ELOA: variants seen among roughly 807,000 people sequenced by gnomAD.
ELOA encodes elongin-A.
Under a neutral mutation model 85.2 loss-of-function variants are expected in ELOA, and 15 were observed. That is an observed-to-expected ratio of 0.18 (90% CI 0.12 to 0.27). The LOEUF (loss-of-function observed/expected upper bound fraction) is 0.27, where lower values mean the gene tolerates loss of function less well. Among genes scored for constraint, ELOA ranks in the 10% least tolerant of loss-of-function variants. The probability of loss-of-function intolerance (pLI) is 1.00; values close to 1 mark genes in which losing one functional copy is unlikely to be tolerated. For missense variants in ELOA, 769 were observed against 952.7 expected, an observed-to-expected ratio of 0.81 and a Z score of 2.54; for synonymous variants, 348 against 357.2, an observed-to-expected ratio of 0.97 and a Z score of 0.29.
In ELOA at chr1:23,760,926, G is replaced by A. The variant is rs933925321; in HGVS notation, c.*1353G>A. ...CCACTTGGTTGTGACCCAGGTAGAG[G>A]TAGATGCCATACATTTGAGATATGC... is the stretch of plus-strand genomic sequence containing the variant. On this transcript the variant is annotated 3_prime_UTR_variant, in exon 11 of 11. Coordinates refer to ENST00000613537, the MANE Select transcript of ELOA (RefSeq NM_003198.3). The A allele has an allele frequency of 2.6e-5, 4 of 152,154 alleles. No individual in the cohort carries two copies. Among genetic ancestry groups the A allele is most frequent in the Admixed American group, 2.0e-4 (3 of 15,268 alleles). The allele number at this position is 152,154 out of a possible 1,614,324, so 9.4% of individuals were successfully genotyped here.
chr1:23,750,170 C>CT (rs747972246), intron 3 of ELOA, among the ~76,000 whole-genome samples: 2,629 of 90,370 alleles, frequency 0.029, 286 homozygotes, highest in African/African-American at 0.056. Flanking sequence ...TGGTACGTTT[C>CT]TTTTTTTTTT....
At chr1:23,747,344 T>A (rs549011768) in intron 1 of ELOA, among the ~76,000 whole-genome samples, 1 of 152,360 alleles carries the variant, frequency 6.6e-6, no homozygotes, top group East Asian at 1.9e-4. Flanking sequence ...CACATTTGAC[T>A]TTCCAGCTTG....
At chr1:23,749,182 A>C in intron 2 of ELOA, 105 bp downstream of exon 2, 2 of 978,642 alleles carry the variant, frequency 2.0e-6, no homozygotes, top group Non-Finnish European at 3.1e-6. Context: ...AAGTGAAAGA[A>C]ACCAGACACA....
chr1:23,750,071 C>A, intron 3 of ELOA, 123 bp downstream of exon 3: 1 of 706,808 alleles, frequency 1.4e-6, no homozygotes, highest in Non-Finnish European at 2.2e-6. Context: ...AAAAATAATC[C>A]ATGATCATTG....
In ELOA at chr1:23,751,178, C is replaced by A. The variant is rs369038337; in HGVS notation, c.573C>A (p.Val191=). The part of the protein sequence containing the change: ...PSCTSPHQMY[V]DHYRSLEEDQ... ...GTACCAGTCCTCATCAGATGTACGT[C>A]GACCACTACAGATCCCTGGAGGAGG... The change falls in exon 4 of 11, where the codon GTC becomes GTA. Residue 191 remains valine, a synonymous_variant. Transcript: ENST00000613537. 8.7e-6 allele frequency: 14 copies of A among 1,614,154 alleles called. No individual in the cohort carries two copies. The highest frequency in any genetic ancestry group is 7.6e-6 in the Non-Finnish European group (9 of 1,180,032).
rs1644786184 is a variant in ELOA at position 23,754,502 on chromosome 1, T to G, written c.1791+42T>G. ...GGTGGGAAGAGGGCAGTTTTCTGGC[T>G]TGTACCTCCAGAAATAGCTTTGTCC... On this transcript the variant is annotated intron_variant, in intron 7 of 10. Transcript: ENST00000613537. 9 of 1,490,682 alleles carry G rather than the reference T, an allele frequency of 6.0e-6. No homozygotes were observed. In the East Asian group the frequency reaches 2.0e-4, roughly 34 times the overall value. The allele number at this position is 1,490,682 out of a possible 1,614,324, so 92.3% of individuals were successfully genotyped here. A position where few individuals can be genotyped will look rare whatever the true frequency, so the allele number is the denominator to read the frequency against.
rs1638276215 is a variant in ELOA, at chr1:23,760,348, T to C, written c.*775T>C. ...AGGCTCACTAGAGGACGCAGAACCTTGGGAGATTGATTTGCACAGAACTCC... is the reference window on the plus strand; with the variant it reads ...AGGCTCACTAGAGGACGCAGAACCTCGGGAGATTGATTTGCACAGAACTCC... On this transcript the variant is annotated 3_prime_UTR_variant, in exon 11 of 11. Transcript: ENST00000613537. 6.6e-6 allele frequency: 1 copy of C among 151,988 alleles called. No homozygotes were observed. The highest frequency in any genetic ancestry group is 2.4e-5 in the African/African-American group (1 of 41,382). 9.4% of individuals were successfully genotyped at this position (151,988 alleles called of 1,614,324 possible). A position where few individuals can be genotyped will look rare whatever the true frequency, so the allele number is the denominator to read the frequency against.
chr1:23,755,609 C>T (rs561326759), intron 7 of ELOA, among the ~76,000 whole-genome samples: 1 of 152,026 alleles, frequency 6.6e-6, no homozygotes, highest in East Asian at 1.9e-4. Flanking sequence ...TGGCAAAACC[C>T]CATCTCTACT....
At chr1:23,749,707 G>A (rs1221806674) in intron 2 of ELOA, 135 bp from the exon 3 acceptor site, 2 of 699,326 alleles carry the variant, frequency 2.9e-6, no homozygotes, top group African/African-American at 1.8e-5. Flanking sequence ...AAGTAATTTA[G>A]TGTTAAGATT....
At chr1:23,758,274 T>TTTTTTTA (rs1638237420) in intron 10 of ELOA, among the ~76,000 whole-genome samples, 2 of 102,766 alleles carry the variant, frequency 1.9e-5, no homozygotes, top group Non-Finnish European at 4.0e-5. Flanking sequence ...TTTTTTTTTT[T>TTTTTTTA]TTTTTTTTTT....
At chr1:23,755,132 C>T (rs1194838405) in intron 7 of ELOA, among the ~76,000 whole-genome samples, 1 of 152,088 alleles carries the variant, frequency 6.6e-6, no homozygotes, top group Non-Finnish European at 1.5e-5. Context: ...GACTCTTGGC[C>T]TCCTGAAGTG....
At chr1:23,759,086 T>TAGTC (rs1360576669) in intron 10 of ELOA, among the ~76,000 whole-genome samples, 1 of 152,200 alleles carries the variant, frequency 6.6e-6, no homozygotes, top group East Asian at 1.9e-4. Context: ...CACACTCCTG[T>TAGTC]AGTCTCAGCT....
intron 5 of ELOA, among the ~76,000 whole-genome samples, chr1:23,753,120 A>C (rs1386015468): frequency 6.6e-6 from 1 of 152,188 alleles, no homozygotes; most frequent in Non-Finnish European, 1.5e-5. Flanking sequence ...ACTGCACTCT[A>C]GCTTGGGTGA....
Position 23,751,410 on chromosome 1 carries a change from G to C in ELOA, c.805G>C (p.Glu269Gln). 6.2e-7 allele frequency: 1 copy of C among 1,614,134 alleles called. No homozygotes were observed. ...SDEKASVVSREKSHKALSKEE... is the reference protein window; with the variant it reads ...SDEKASVVSRQKSHKALSKEE... ...TGAGAAGGCCTCTGTGGTGAGCAGA[G>C]AGAAATCACACAAGGCCCTCTCCAA... Residue 269 changes from glutamate (E) to glutamine (Q), a missense_variant, in exon 4 of 11, where the codon GAG becomes CAG. Transcript: ENST00000613537.
chr1:23,752,713 C>T (rs1288741787), intron 5 of ELOA, among the ~76,000 whole-genome samples, 195 bp downstream of exon 5: 2 of 151,928 alleles, frequency 1.3e-5, no homozygotes, highest in African/African-American at 2.4e-5. Flanking sequence ...GAGGCCGAGG[C>T]GGGCAGATCA....
chr1:23,745,172 C>T (rs1644740808), intron 1 of ELOA, among the ~76,000 whole-genome samples: 1 of 152,192 alleles, frequency 6.6e-6, no homozygotes, highest in Non-Finnish European at 1.5e-5. Flanking sequence ...GTTGCAGCTT[C>T]AGTACCGTAC....
chr1:23,753,742 G>A (rs188050342), intron 5 of ELOA, among the ~76,000 whole-genome samples: 1 of 151,968 alleles, frequency 6.6e-6, no homozygotes, highest in Non-Finnish European at 1.5e-5. Flanking sequence ...TTTTTTTGTT[G>A]TTGCTGTTGA....
rs146162476 is a variant in ELOA, at chr1:23,758,017, G to C, written c.2257+892G>C. On this transcript the variant is annotated intron_variant, in intron 10 of 10. Coordinates refer to ENST00000613537, the MANE Select transcript of ELOA (RefSeq NM_003198.3). ...GATTGTGCCACTGCCCTCCAGCCTG[G>C]ATGACAGAGTGAGACACTGTCTCTA... Among the ~76,000 whole-genome samples, 1,090 of 151,878 alleles carry C rather than the reference G, an allele frequency of 7.2e-3. 19 individuals carry two copies. The highest frequency in any genetic ancestry group is 0.025 in the African/African-American group (1,020 of 41,448).
chr1:23,751,864 A>C lies in ELOA; in HGVS notation c.1259A>C (p.Lys420Thr). Residue 420 changes from lysine (K) to threonine (T), a missense_variant, in exon 4 of 11, where the codon AAG becomes ACG. Coordinates refer to ENST00000613537, the MANE Select transcript of ELOA (RefSeq NM_003198.3). ...YLSYDQPRKKKKKIVKTSATA... is the reference protein window; with the variant it reads ...YLSYDQPRKKTKKIVKTSATA... ...AGCTATGACCAGCCCCGGAAGAAAA[A>C]GAAAAAGATTGTGAAAACTTCAGCC... is the stretch of plus-strand genomic sequence containing the variant. 6.2e-7 allele frequency: 1 copy of C among 1,613,920 alleles called. No individual in the cohort carries two copies.
Sources: gnomAD v4.1 joint callset for allele counts (sites outside exome capture counted in the v4.1 genomes callset) on GRCh38, gnomAD v4.1.1 for gene constraint, MANE v1.5 for transcripts, NCBI Gene and HGNC (gene_info 2026-07-23, HGNC 2026-07-21) for gene names.